Variants in GNPAT observed in about 807,000 individuals in gnomAD.
GNPAT encodes glyceronephosphate O-acyltransferase.
A neutral mutation model predicts 78.4 loss-of-function variants in GNPAT; 30 were observed. The ratio of observed to expected loss-of-function variants is 0.38; its 90% CI spans 0.29 to 0.52. The LOEUF (loss-of-function observed/expected upper bound fraction) is 0.52. GNPAT is among the 20% of genes least tolerant of loss of function. The pLI is 0.84. For synonymous variants in GNPAT, 271 were observed against 281.1 expected (o/e 0.96, Z 0.36); for missense variants, 714 against 812.2 (o/e 0.88, Z 1.47).
intron 2 of GNPAT, among the ~76,000 whole-genome samples, chr1:231,255,964 T>G (rs1019524742): frequency 6.6e-5 from 10 of 152,182 alleles, no homozygotes; most frequent in Non-Finnish European, 7.4e-5. Flanking sequence ...CCATGTCTTT[T>G]TAATCATTCC....
At chr1:231,267,611 A>G in intron 8 of GNPAT, 69 bp from the exon 9 acceptor site, 1 of 909,326 alleles carries the variant, frequency 1.1e-6, no homozygotes, top group Non-Finnish European at 1.8e-6. Context: ...AAACGTCTAG[A>G]GTCTTTTTCC....
chr1:231,249,732 T>C (rs1684839295), intron 1 of GNPAT, among the ~76,000 whole-genome samples: 1 of 152,232 alleles, frequency 6.6e-6, no homozygotes. Context: ...GCATTTAGAA[T>C]GCGCCTAACA....
intron 4 of GNPAT, among the ~76,000 whole-genome samples, chr1:231,263,915 G>A (rs749749994): frequency 2.0e-5 from 3 of 152,046 alleles, no homozygotes; most frequent in Non-Finnish European, 4.4e-5. Flanking sequence ...GTTCAAGTCC[G>A]TTATTTTTTA....
At chr1:231,250,927 G>A (rs764557093) in intron 1 of GNPAT, 34 bp from the exon 2 acceptor site, 3 of 1,361,656 alleles carry the variant, frequency 2.2e-6, no homozygotes, top group South Asian at 1.2e-5. Context: ...TTATTTTACA[G>A]TATGTGCTCA....
At chr1:231,244,097 C>T (rs540039263) in intron 1 of GNPAT, among the ~76,000 whole-genome samples, 1 of 152,112 alleles carries the variant, frequency 6.6e-6, no homozygotes, top group African/African-American at 2.4e-5. Flanking sequence ...TTAGTAGAGT[C>T]GGGGTTTCAC....
Position 231,241,298 on chromosome 1 carries a change from A to G in GNPAT, c.-81A>G. On this transcript the variant is annotated 5_prime_UTR_variant, in exon 1 of 16. Transcript: ENST00000366647. ...CCCTAGGCGAAGTAGGGCCGTCCTGAGCGAAAGAACCGCCCCCAGCAGGAG... is the reference window on the plus strand; with the variant it reads ...CCCTAGGCGAAGTAGGGCCGTCCTGGGCGAAAGAACCGCCCCCAGCAGGAG... 7.0e-7 allele frequency: 1 copy of G among 1,425,120 alleles called. No individual in the cohort carries two copies. Among genetic ancestry groups the G allele is most frequent in the Middle Eastern group, 1.7e-4 (1 of 5,746 alleles). The allele number at this position is 1,425,120 out of a possible 1,614,324, so 88.3% of individuals were successfully genotyped here.
chr1:231,261,912 T>G (rs947600870), intron 3 of GNPAT, among the ~76,000 whole-genome samples: 6 of 152,220 alleles, frequency 3.9e-5, no homozygotes, highest in African/African-American at 1.4e-4. Context: ...TCCTACTGAC[T>G]GTTTTCGAGA....
Position 231,241,300 on chromosome 1 carries a change from C to T in GNPAT, c.-79C>T. The T allele has an allele frequency of 7.0e-7, 1 of 1,423,228 alleles. No individual in the cohort carries two copies. Among genetic ancestry groups the T allele is most frequent in the Non-Finnish European group, 9.9e-7 (1 of 1,006,020 alleles). The allele number at this position is 1,423,228 out of a possible 1,614,324, so 88.2% of individuals were successfully genotyped here. A position where few individuals can be genotyped will look rare whatever the true frequency, so the allele number is the denominator to read the frequency against. On this transcript the variant is annotated 5_prime_UTR_variant, in exon 1 of 16. Transcript: ENST00000366647. ...CTAGGCGAAGTAGGGCCGTCCTGAG[C>T]GAAAGAACCGCCCCCAGCAGGAGCA...
chr1:231,259,312 C>G (rs1006316223), intron 2 of GNPAT, among the ~76,000 whole-genome samples: 7 of 152,144 alleles, frequency 4.6e-5, no homozygotes, highest in Non-Finnish European at 8.8e-5. Flanking sequence ...GGTTGCACAA[C>G]ATTTGTGAAT....
chr1:231,267,065 C>A (rs1023122683), intron 8 of GNPAT, among the ~76,000 whole-genome samples: 8 of 152,188 alleles, frequency 5.3e-5, no homozygotes, highest in African/African-American at 1.9e-4. Flanking sequence ...GACACAGGCT[C>A]TCTCTTTAGA....
rs905958537 is a variant in GNPAT at position 231,277,682 on chromosome 1, G to T, written c.*140G>T. 2.7e-5 allele frequency: 18 copies of T among 678,022 alleles called. No individual in the cohort carries two copies. In the Admixed American group the frequency reaches 2.8e-4, roughly 11 times the overall value. The allele number at this position is 678,022 out of a possible 1,614,324, so 42.0% of individuals were successfully genotyped here. On this transcript the variant is annotated 3_prime_UTR_variant, in exon 16 of 16. Coordinates refer to ENST00000366647, the MANE Select transcript of GNPAT (RefSeq NM_014236.4). ...CTGAGAACAGTGGACGCAGAGGGAA[G>T]AGATGATCATTGGAAGCAATCAGTT... is the stretch of plus-strand genomic sequence containing the variant.
chr1:231,265,435 T>C lies in GNPAT; in HGVS notation c.696+15T>C. 6.3e-7 allele frequency: 1 copy of C among 1,589,054 alleles called. No individual in the cohort carries two copies. Among genetic ancestry groups the C allele is most frequent in the Non-Finnish European group, 8.6e-7 (1 of 1,157,150 alleles). ...CTATGTTACGGGTAAATGCAAATAATTCCCAACTACTCTTAAGCCATATTT... is the reference window on the plus strand; with the variant it reads ...CTATGTTACGGGTAAATGCAAATAACTCCCAACTACTCTTAAGCCATATTT... On this transcript the variant is annotated intron_variant, in intron 5 of 15. Coordinates refer to ENST00000366647, the MANE Select transcript of GNPAT (RefSeq NM_014236.4).
intron 1 of GNPAT, among the ~76,000 whole-genome samples, chr1:231,247,644 T>C (rs1684785448): frequency 6.6e-6 from 1 of 152,204 alleles, no homozygotes; most frequent in African/African-American, 2.4e-5. Context: ...ACCTTGTTCT[T>C]CATAAAAGAG....
chr1:231,271,147 C>T, intron 10 of GNPAT, 147 bp downstream of exon 10: 1 of 948,290 alleles, frequency 1.1e-6, no homozygotes, highest in Non-Finnish European at 1.7e-6. Flanking sequence ...CTTTGTTCCC[C>T]AAATACTTGT....
chr1:231,250,497 G>C (rs1684864832), intron 1 of GNPAT, among the ~76,000 whole-genome samples: 1 of 152,116 alleles, frequency 6.6e-6, no homozygotes, highest in Admixed American at 6.6e-5. Context: ...TGGAGCGCTT[G>C]TTTCTTGAAT....
chr1:231,248,228 T>C (rs1016775129), intron 1 of GNPAT, among the ~76,000 whole-genome samples: 2 of 152,220 alleles, frequency 1.3e-5, no homozygotes, highest in Non-Finnish European at 2.9e-5. Context: ...ATGTTATGTG[T>C]ATTATGTACT....
intron 2 of GNPAT, 45 bp downstream of exon 2, chr1:231,251,188 A>G: frequency 8.6e-7 from 1 of 1,157,440 alleles, no homozygotes; most frequent in Non-Finnish European, 1.3e-6. Flanking sequence ...GTTCATTGTC[A>G]ACAAGTTCTT....
chr1:231,271,821 G>A (rs2117590), intron 10 of GNPAT, among the ~76,000 whole-genome samples: 211 of 152,298 alleles, frequency 1.4e-3, no homozygotes, highest in African/African-American at 4.7e-3. Context: ...ACTATGCTAG[G>A]GCCGGGCGCA....
rs371186260 is a variant in GNPAT at position 231,260,500 on chromosome 1, C to T, written c.262-7C>T. 65 of 1,597,526 alleles carry T rather than the reference C, an allele frequency of 4.1e-5. No individual in the cohort carries two copies. The highest frequency in any genetic ancestry group is 2.7e-4 in the East Asian group (12 of 44,780). On this transcript the variant is annotated splice_polypyrimidine_tract_variant and splice_region_variant and intron_variant, in intron 2 of 15. Coordinates refer to ENST00000366647, the MANE Select transcript of GNPAT (RefSeq NM_014236.4). ...AGAAATTATTCCTGCTTTTCCTTTC[C>T]TTTTAGCTTTCCAAGGAATCCCTTC...
Sources: gnomAD v4.1 joint callset for allele counts (sites outside exome capture counted in the v4.1 genomes callset) on GRCh38, gnomAD v4.1.1 for gene constraint, MANE v1.5 for transcripts, NCBI Gene and HGNC (gene_info 2026-07-23, HGNC 2026-07-21) for gene names.